SLC22A8: variants seen among roughly 807,000 people sequenced by gnomAD.
SLC22A8 encodes solute carrier family 22 member 8.
A neutral mutation model predicts 48.4 loss-of-function variants in SLC22A8; 40 were observed. The observed-to-expected ratio is 0.83, with a 90% CI of 0.64 to 1.08. The LOEUF (loss-of-function observed/expected upper bound fraction) is 1.08, where lower values mean the gene tolerates loss of function less well. Ranked by LOEUF, SLC22A8 falls within the 50% of genes least tolerant of loss-of-function variation. SLC22A8 has a pLI of 0.00. For missense variants in SLC22A8, 606 were observed against 699.0 expected, an observed-to-expected ratio of 0.87 and a Z score of 1.50; for synonymous variants, 268 against 286.3, an observed-to-expected ratio of 0.94 and a Z score of 0.65.
At chr11:62,995,420 A>G in intron 7 of SLC22A8, 1 of 488,494 alleles carries the variant, frequency 2.0e-6, no homozygotes, top group Non-Finnish European at 3.7e-6. Context: ...GGGGACACTG[A>G]GCGGCAGGGA....
rs377087307 is a variant in SLC22A8 at position 62,993,205 on chromosome 11, C to T, written c.*32G>A. 2.0e-5 allele frequency: 31 copies of T among 1,558,530 alleles called. No individual in the cohort carries two copies. The African/African-American group carries it at 3.9e-4, about 20-fold the overall frequency. On this transcript the variant is annotated 3_prime_UTR_variant, in exon 11 of 11. Coordinates refer to ENST00000336232, the MANE Select transcript of SLC22A8 (RefSeq NM_004254.4). ...TAAGGTGCCTGGCTAGGATCAGTCT[C>T]TGGAGGGCAGGGAAAGGGGGTTCCG...
chr11:62,998,399 A>G lies in SLC22A8; in HGVS notation c.761+522T>C, dbSNP rs1303989705. On this transcript the variant is annotated intron_variant, in intron 5 of 10. Transcript: ENST00000336232. The stretch of plus-strand genomic sequence containing the variant: ...TTCCCAGGCTCAGGCTTCTCTTTAA[A>G]CTTTCCTTTGTACTTCGACTCCAGC... 7.2e-5 allele frequency among the ~76,000 whole-genome samples: 11 copies of G among 151,842 alleles called. 1 individual carries two copies. Among genetic ancestry groups the G allele is most frequent in the Non-Finnish European group, 1.5e-4 (10 of 67,970 alleles).
intron 5 of SLC22A8, among the ~76,000 whole-genome samples, chr11:62,997,643 G>A (rs1362395024): frequency 6.6e-6 from 1 of 152,190 alleles, no homozygotes; most frequent in African/African-American, 2.4e-5. Flanking sequence ...CTGACTCTGA[G>A]TGCTCTCACG....
At position 63,014,807 on chromosome 11, in the gene SLC22A8, G is replaced by T. The variant is rs761564053; in HGVS notation, c.152C>A (p.Pro51Gln). ...AGGCCCTGTGGAGGCATTGTGGGGC[G>T]GGCGACAGTGGTGGACAGGGGTGGC... ...TAATPVHHCRPPHNASTGPWV... is the reference protein window; with the variant it reads ...TAATPVHHCRQPHNASTGPWV... Residue 51 changes from proline to glutamine, a missense_variant, in exon 2 of 11, where the codon CCG (proline) becomes CAG (glutamine). Physicochemically the swap from Pro to Gln is moderately conservative, Grantham distance 76. Transcript: ENST00000336232. 1 of 1,612,896 alleles carries T rather than the reference G, an allele frequency of 6.2e-7. No individual in the cohort carries two copies. The highest frequency in any genetic ancestry group is 2.2e-5 in the East Asian group (1 of 44,844).
chr11:63,004,795 A>G (rs2086536283), intron 2 of SLC22A8, among the ~76,000 whole-genome samples: 1 of 152,252 alleles, frequency 6.6e-6, no homozygotes, highest in African/African-American at 2.4e-5. Flanking sequence ...TAGGCACTCA[A>G]TACTTGTGGA....
intron 2 of SLC22A8, among the ~76,000 whole-genome samples, chr11:63,012,835 T>A (rs1036191865): frequency 1.3e-5 from 2 of 152,236 alleles, no homozygotes; most frequent in African/African-American, 4.8e-5. Flanking sequence ...TTCGACTTTA[T>A]GTCCTCAGTA....
chr11:63,000,634 C>T (rs2086481888), intron 3 of SLC22A8, 86 bp downstream of exon 3: 3 of 960,184 alleles, frequency 3.1e-6, no homozygotes, highest in Admixed American at 3.8e-5. Flanking sequence ...AGCTCTTTGC[C>T]TCTTTGCGGG....
intron 2 of SLC22A8, among the ~76,000 whole-genome samples, chr11:63,001,411 TCTC>T (rs892085883): frequency 1.3e-5 from 2 of 152,310 alleles, no homozygotes; most frequent in African/African-American, 4.8e-5. Context: ...TCCATCCTCA[TCTC>T]CTTTTCATGT....
Position 62,994,773 on chromosome 11 carries a change from G to C in SLC22A8, c.1002-17C>G. Reference sequence around the variant, plus strand: ...GTAGCAAACCTGAGAGGCAGAGAAGGATTGGTTAGCACCTGCAGCCAGGCA... The same window carrying C: ...GTAGCAAACCTGAGAGGCAGAGAAGCATTGGTTAGCACCTGCAGCCAGGCA... On this transcript the variant is annotated splice_polypyrimidine_tract_variant and intron_variant, in intron 7 of 10. Transcript: ENST00000336232. 2.5e-6 allele frequency: 4 copies of C among 1,608,324 alleles called. No homozygotes were observed. Among genetic ancestry groups the C allele is most frequent in the Non-Finnish European group, 3.4e-6 (4 of 1,174,802 alleles).
chr11:62,999,924 G>A, intron 3 of SLC22A8, 82 bp from the exon 4 acceptor site: 1 of 1,241,556 alleles, frequency 8.1e-7, no homozygotes, highest in Non-Finnish European at 1.1e-6. Context: ...GTGGGGCAAA[G>A]GGCTGAATCC....
At chr11:63,007,844 T>A (rs1391192221) in intron 2 of SLC22A8, among the ~76,000 whole-genome samples, 3 of 152,222 alleles carry the variant, frequency 2.0e-5, no homozygotes, top group African/African-American at 7.2e-5. Flanking sequence ...GGTACTATTG[T>A]TATCTCTTTT....
chr11:62,993,097 G>T lies in SLC22A8; in HGVS notation c.*140C>A. 2 of 640,046 alleles carry T rather than the reference G, an allele frequency of 3.1e-6. No individual in the cohort carries two copies. The highest frequency in any genetic ancestry group is 5.8e-5 in the Admixed American group (2 of 34,332). The allele number at this position is 640,046 out of a possible 1,614,324, so 39.6% of individuals were successfully genotyped here. Reference sequence around the variant, plus strand: ...CCAGGGCTGGGCAGGAGGCTCTGGTGGTGGTGATGGAGACACCTTCACCAA... The same window carrying T: ...CCAGGGCTGGGCAGGAGGCTCTGGTTGTGGTGATGGAGACACCTTCACCAA... On this transcript the variant is annotated 3_prime_UTR_variant, in exon 11 of 11. Transcript: ENST00000336232.
At chr11:62,994,430 G>A in intron 8 of SLC22A8, 112 bp downstream of exon 8, 1 of 758,016 alleles carries the variant, frequency 1.3e-6, no homozygotes, top group Non-Finnish European at 2.2e-6. Context: ...AGAGAGTGCA[G>A]GGACCTGCTC....
intron 8 of SLC22A8, 30 bp downstream of exon 8, chr11:62,994,512 G>A: frequency 6.5e-7 from 1 of 1,548,098 alleles, no homozygotes; most frequent in Non-Finnish European, 8.8e-7. Flanking sequence ...GCCTCTTCCA[G>A]AGGGTTCTGG....
chr11:63,006,774 A>AT (rs200742595), intron 2 of SLC22A8, among the ~76,000 whole-genome samples: 29,220 of 141,702 alleles, frequency 0.21, 3,423 homozygotes, highest in East Asian at 0.31. Context: ...TGCCTGGCTA[A>AT]TTTTTTTTTT....
chr11:63,012,956 T>C (rs1348803729), intron 2 of SLC22A8, among the ~76,000 whole-genome samples: 1 of 152,096 alleles, frequency 6.6e-6, no homozygotes, highest in Admixed American at 6.6e-5. Context: ...TCTAGGTATA[T>C]GAGAGCAGCA....
At chr11:62,993,396 A>G (rs1294149289) in intron 10 of SLC22A8, 28 bp downstream of exon 10, 1 of 1,613,378 alleles carries the variant, frequency 6.2e-7, no homozygotes, top group Admixed American at 1.7e-5. Flanking sequence ...AGGGAGGAGC[A>G]CTGATGGGGC....
chr11:63,003,778 C>G (rs1357920245), intron 2 of SLC22A8, among the ~76,000 whole-genome samples: 8 of 152,168 alleles, frequency 5.3e-5, no homozygotes, highest in Admixed American at 5.2e-4. Context: ...TGCATGCTTT[C>G]TTCCCCTCCT....
At chr11:63,011,978 T>C (rs2086624029) in intron 2 of SLC22A8, among the ~76,000 whole-genome samples, 1 of 151,848 alleles carries the variant, frequency 6.6e-6, no homozygotes, top group Non-Finnish European at 1.5e-5. Flanking sequence ...CTTGACTTTT[T>C]GCTCTCTTTT....
Sources: allele counts gnomAD v4.1 joint callset (sites outside exome capture counted in the v4.1 genomes callset), GRCh38; gene constraint gnomAD v4.1.1; transcripts MANE v1.5; gene names NCBI Gene and HGNC (gene_info 2026-07-23, HGNC 2026-07-21).